Variants in ANHX observed in about 807,000 individuals in gnomAD.
ANHX encodes the protein anomalous homeobox protein.
Under a neutral mutation model 38.9 loss-of-function variants are expected in ANHX, and 20 were observed. That is an observed-to-expected ratio of 0.51 (90% confidence interval 0.36 to 0.75). The LOEUF (loss-of-function observed/expected upper bound fraction) is 0.75. Among genes scored for constraint, ANHX ranks in the 30% least tolerant of loss-of-function variants. The pLI is 0.00. For missense variants in ANHX, 475 were observed against 493.1 expected (o/e 0.96, Z 0.35); for synonymous variants, 185 against 203.1 (o/e 0.91, Z 0.76).
At chr12:133,225,308 C>T (rs2135558521) in intron 7 of ANHX, among the ~76,000 whole-genome samples, 1 of 144,096 alleles carries the variant, frequency 6.9e-6, no homozygotes, top group South Asian at 2.1e-4. Flanking sequence ...CAGTGATATG[C>T]ATACATACAC....
intron 3 of ANHX, among the ~76,000 whole-genome samples, chr12:133,229,214 A>G (rs1384735413): frequency 6.6e-6 from 1 of 152,172 alleles, no homozygotes; most frequent in East Asian, 1.9e-4. Flanking sequence ...GTGTCTGAGC[A>G]ATGCTGGAGT....
At position 133,221,552 on chromosome 12, in the gene ANHX, CCTTCCAGG is replaced by C. The variant is rs778964176; in HGVS notation, c.1133-208_1133-201del. 1.3e-5 allele frequency among the ~76,000 whole-genome samples: 2 copies of C among 152,200 alleles called. No individual in the cohort carries two copies. The highest frequency in any genetic ancestry group is 2.9e-5 in the Non-Finnish European group (2 of 68,034). ...CTGTCACAACCATTGATCTCAACAGCCTTCCAGGCTTCCAGAGACCAAGACACGGTTGC... is the reference window on the plus strand; with the variant it reads ...CTGTCACAACCATTGATCTCAACAGCCTTCCAGAGACCAAGACACGGTTGC... On this transcript the variant is annotated intron_variant, in intron 7 of 9. Coordinates refer to ENST00000545940, the MANE Select transcript of ANHX (RefSeq NM_001372060.1). The surrounding 1 kb of genome is among the most constrained non-coding windows in gnomAD (Gnocchi z 4.1).
intron 7 of ANHX, among the ~76,000 whole-genome samples, chr12:133,223,451 T>TC (rs1957141217): frequency 1.3e-5 from 2 of 148,610 alleles, no homozygotes; most frequent in Non-Finnish European, 3.0e-5. Flanking sequence ...TATTCTTTTT[T>TC]TTTTTTTTTT....
intron 5 of ANHX, among the ~76,000 whole-genome samples, 194 bp downstream of exon 5, chr12:133,226,742 G>A (rs1408747541): frequency 3.3e-5 from 5 of 152,110 alleles, no homozygotes; most frequent in African/African-American, 1.2e-4. Flanking sequence ...AAATGCATAG[G>A]GGCAGCCACA....
At chr12:133,231,798 C>T (rs1035974789) in intron 2 of ANHX, among the ~76,000 whole-genome samples, 154 bp from the exon 3 acceptor site, 9 of 152,208 alleles carry the variant, frequency 5.9e-5, no homozygotes, top group Non-Finnish European at 1.0e-4. Flanking sequence ...TACAAAGTGC[C>T]AGTGTGGCCA....
At position 133,219,271 on chromosome 12, in the gene ANHX, G is replaced by A; in HGVS notation, c.1365+12C>T. The A allele has an allele frequency of 1.3e-6, 2 of 1,532,944 alleles. No individual in the cohort carries two copies. Among genetic ancestry groups the A allele is most frequent in the Non-Finnish European group, 1.7e-6 (2 of 1,144,952 alleles). 95.0% of individuals were successfully genotyped at this position (1,532,944 alleles called of 1,614,324 possible). On this transcript the variant is annotated intron_variant, in intron 9 of 9. Transcript: ENST00000545940. Reference sequence around the variant, plus strand: ...AAGAGGGAATCCTTCAGTGCTCATAGGGAAGCCTCACCTGGCTGGAGGGCA... The same window carrying A: ...AAGAGGGAATCCTTCAGTGCTCATAAGGAAGCCTCACCTGGCTGGAGGGCA...
chr12:133,235,303 C>T (rs1957352835), intron 1 of ANHX: 1 of 152,172 alleles, frequency 6.6e-6, no homozygotes, highest in Admixed American at 6.5e-5. Context: ...CCCACCGGCT[C>T]TGGGAGGGGC....
chr12:133,222,779 A>G (rs1957128532), intron 7 of ANHX, among the ~76,000 whole-genome samples: 1 of 152,190 alleles, frequency 6.6e-6, no homozygotes, highest in Non-Finnish European at 1.5e-5. Context: ...AGCACATTTA[A>G]AAAAATTATT....
intron 7 of ANHX, among the ~76,000 whole-genome samples, chr12:133,224,729 G>T (rs1241753439): frequency 6.6e-6 from 1 of 150,830 alleles, no homozygotes; most frequent in East Asian, 2.0e-4. Context: ...ACTTTGGGAG[G>T]CCGAGGCGGG....
intron 5 of ANHX, 64 bp downstream of exon 5, chr12:133,226,872 G>T: frequency 7.1e-7 from 1 of 1,413,946 alleles, no homozygotes; most frequent in Non-Finnish European, 9.3e-7. Context: ...GACTACCTAG[G>T]CCTGGCCCTT....
At chr12:133,226,513 GC>G (rs1371910768) in intron 5 of ANHX, 75 bp from the exon 6 acceptor site, 2 of 1,453,414 alleles carry the variant, frequency 1.4e-6, no homozygotes, top group Non-Finnish European at 1.8e-6. Context: ...GGTATGAGCA[GC>G]CCTGCTGGCT....
At position 133,231,727 on chromosome 12, in the gene ANHX, C is replaced by A. The variant is rs1213415670; in HGVS notation, c.250-83G>T. On this transcript the variant is annotated intron_variant, in intron 2 of 9. Transcript: ENST00000545940. ...ACCTGCATCTGCCATCCCAAACCGA[C>A]TCAGCCTTGGGGAAGGCAGTGATGG... is the stretch of plus-strand genomic sequence containing the variant. 4 of 1,494,930 alleles carry A rather than the reference C, an allele frequency of 2.7e-6. No individual in the cohort carries two copies. In the African/African-American group the frequency reaches 5.5e-5, roughly 21 times the overall value. The allele number at this position is 1,494,930 out of a possible 1,614,324, so 92.6% of individuals were successfully genotyped here.
chr12:133,218,644 C>T lies in ANHX; in HGVS notation c.*241G>A. 2.7e-6 allele frequency: 1 copy of T among 366,176 alleles called. No homozygotes were observed. The highest frequency in any genetic ancestry group is 8.1e-5 in the South Asian group (1 of 12,390). The allele number at this position is 366,176 out of a possible 1,614,324, so 22.7% of individuals were successfully genotyped here. A position where few individuals can be genotyped will look rare whatever the true frequency, so the allele number is the denominator to read the frequency against. ...CCAGTGCTGCGTGAGTGGGACAGAC[C>T]CACCTTTGACTTCTGATCTCACGAA... On this transcript the variant is annotated 3_prime_UTR_variant, in exon 10 of 10. Coordinates refer to ENST00000545940, the MANE Select transcript of ANHX (RefSeq NM_001372060.1).
At chr12:133,225,171 G>A (rs772688743) in intron 7 of ANHX, among the ~76,000 whole-genome samples, 39 of 152,014 alleles carry the variant, frequency 2.6e-4, no homozygotes, top group Admixed American at 2.6e-4. Flanking sequence ...ACAGGCTAAG[G>A]GGGGTGGACA....
Position 133,234,027 on chromosome 12 carries a change from C to T in ANHX, c.249+81G>A, listed in dbSNP as rs958307678. ...GGTTCCTACTAACTCCTGGGTACTG[C>T]TGCAGTGCCGGAGATGGGTGGAGGC... On this transcript the variant is annotated intron_variant, in intron 2 of 9. Transcript: ENST00000545940. The T allele has an allele frequency of 8.8e-6, 13 of 1,480,228 alleles. No individual in the cohort carries two copies. In the South Asian group the frequency reaches 1.7e-4, roughly 20 times the overall value. 91.7% of individuals were successfully genotyped at this position (1,480,228 alleles called of 1,614,324 possible).
intron 3 of ANHX, 132 bp from the exon 4 acceptor site, chr12:133,228,079 C>T (rs1178385521): frequency 1.9e-6 from 2 of 1,070,254 alleles, no homozygotes; most frequent in Non-Finnish European, 1.3e-6. Flanking sequence ...CTCTCTCTGC[C>T]TCCAGTTAGT....
At chr12:133,222,209 T>C (rs1957117235) in intron 7 of ANHX, among the ~76,000 whole-genome samples, 1 of 152,232 alleles carries the variant, frequency 6.6e-6, no homozygotes, top group South Asian at 2.1e-4. Flanking sequence ...TTGGACATTC[T>C]AGTTCCATCC....
Position 133,224,841 on chromosome 12 carries a change from C to T in ANHX, c.1132+695G>A, listed in dbSNP as rs548973274. On this transcript the variant is annotated intron_variant, in intron 7 of 9. Coordinates refer to ENST00000545940, the MANE Select transcript of ANHX (RefSeq NM_001372060.1). ...AATTAGCCAGGCGTGGTGGCGGGCG[C>T]CTGTAGTCCCAGCTACTCGGGAGGC... 8.6e-5 allele frequency among the ~76,000 whole-genome samples: 13 copies of T among 150,818 alleles called. No individual in the cohort carries two copies. The South Asian group carries it at 1.0e-3, about 12-fold the overall frequency.
chr12:133,231,389 C>T (rs1957272171), intron 3 of ANHX, 128 bp downstream of exon 3: 1 of 1,301,056 alleles, frequency 7.7e-7, no homozygotes. Flanking sequence ...ACTATTACTG[C>T]TCCGGCGGAC....
Sources: gnomAD v4.1 joint callset for allele counts (sites outside exome capture counted in the v4.1 genomes callset) on GRCh38, gnomAD v4.1.1 for gene constraint, Gnocchi (gnomAD v3.1) non-coding constraint, MANE v1.5 for transcripts, NCBI Gene and HGNC (gene_info 2026-07-23, HGNC 2026-07-21) for gene names.